GLIS3: variants seen among roughly 807,000 people sequenced by gnomAD.
GLIS3 encodes zinc finger protein GLIS3.
In GLIS3, 53 loss-of-function variants were observed where a neutral mutation model predicts 78.6. The ratio of observed to expected loss-of-function variants is 0.67; its 90% confidence interval spans 0.54 to 0.85. The LOEUF (loss-of-function observed/expected upper bound fraction) is 0.85. Among genes scored for constraint, GLIS3 ranks in the 40% least tolerant of loss-of-function variants. The pLI is 0.00. For synonymous variants in GLIS3, 684 were observed against 509.9 expected, an observed-to-expected ratio of 1.34 and a Z score of -4.60; for missense variants, 1,703 against 1,231.1, an observed-to-expected ratio of 1.38 and a Z score of -5.74.
At chr9:3,956,476 A>C (rs1415733384) in intron 4 of GLIS3, among the ~76,000 whole-genome samples, 1 of 152,194 alleles carries the variant, frequency 6.6e-6, no homozygotes, top group Admixed American at 6.5e-5. Flanking sequence ...CTTCAAGCAG[A>C]ATATTTTTGG....
chr9:4,271,568 C>A (rs4237149), intron 2 of GLIS3, among the ~76,000 whole-genome samples: 152,009 of 152,314 alleles, frequency 1, 75,853 homozygotes, highest in East Asian at 1. Flanking sequence ...GCAGCATAAG[C>A]AAGTGGCATA....
chr9:4,417,504 G>T, the GLIS3 span, among the ~76,000 whole-genome samples: 1,510 of 152,200 alleles, frequency 9.9e-3, 28 homozygotes, highest in African/African-American at 0.035. Flanking sequence ...TACCAACACT[G>T]ACATAACCAT....
chr9:3,847,273 AG>A (rs1468010771), intron 9 of GLIS3, among the ~76,000 whole-genome samples: 1 of 152,208 alleles, frequency 6.6e-6, no homozygotes, highest in African/African-American at 2.4e-5. Context: ...CAGAGAAAAG[AG>A]GGGCCCAGAT....
intron 4 of GLIS3, among the ~76,000 whole-genome samples, chr9:4,110,539 T>A (rs1048528288): frequency 6.6e-6 from 1 of 152,200 alleles, no homozygotes; most frequent in Non-Finnish European, 1.5e-5. Context: ...ACAGGTTTCA[T>A]TCCACTTTCT....
chr9:4,369,057 G>C, the GLIS3 span, among the ~76,000 whole-genome samples: 1 of 152,086 alleles, frequency 6.6e-6, no homozygotes, highest in Non-Finnish European at 1.5e-5. Flanking sequence ...AATAGACTCA[G>C]AATTTTAATC....
chr9:4,342,709 T>G (rs543375554), intron 2 of GLIS3, among the ~76,000 whole-genome samples: 2 of 152,250 alleles, frequency 1.3e-5, no homozygotes, highest in Non-Finnish European at 2.9e-5. Flanking sequence ...TTTAACAATA[T>G]TGATTCTTCC....
rs141615374 is a variant in GLIS3, at chr9:4,094,619, G to T, written c.1710+23149C>A. On this transcript the variant is annotated intron_variant, in intron 4 of 10. Transcript: ENST00000381971. ...AATGAAAGTCATAAAACCTGTAAGG[G>T]TATTTATGTGCACATATCAAAATCC... Among the ~76,000 whole-genome samples the T allele has an allele frequency of 2.6e-4, 39 of 152,230 alleles. No homozygotes were observed. The East Asian group carries it at 5.6e-3, about 22-fold the overall frequency.
chr9:4,195,758 G>A (rs1175720292), intron 2 of GLIS3, among the ~76,000 whole-genome samples: 1 of 152,260 alleles, frequency 6.6e-6, no homozygotes, highest in Admixed American at 6.5e-5. Context: ...GTGGGGTCTT[G>A]GAGAACTTTT....
the GLIS3 span, among the ~76,000 whole-genome samples, chr9:4,366,895 C>G: frequency 6.6e-6 from 1 of 152,212 alleles, no homozygotes; most frequent in Non-Finnish European, 1.5e-5. Context: ...AAATTACAGG[C>G]TCGTGGAAGA....
intron 2 of GLIS3, among the ~76,000 whole-genome samples, chr9:4,197,921 GGGGAAAGGGAAA>G (rs963672322): frequency 6.6e-6 from 1 of 150,644 alleles, no homozygotes; most frequent in Non-Finnish European, 1.5e-5. Flanking sequence ...TAGGAAGGGA[GGGGAAAGGGAAA>G]GGGAGAGGGA....
intron 2 of GLIS3, among the ~76,000 whole-genome samples, chr9:4,135,806 G>A (rs1833364558): frequency 1.3e-5 from 2 of 152,120 alleles, no homozygotes; most frequent in African/African-American, 2.4e-5. Flanking sequence ...AAAACAGATC[G>A]ATGAAGGTAA....
chr9:3,964,417 A>AC (rs200203650), intron 4 of GLIS3, among the ~76,000 whole-genome samples: 3,464 of 152,160 alleles, frequency 0.023, 61 homozygotes, highest in Middle Eastern at 0.041. Context: ...TCAAGACGTT[A>AC]CCCCCCCAAA....
intron 4 of GLIS3, among the ~76,000 whole-genome samples, chr9:4,035,559 G>C (rs1189155379): frequency 6.6e-6 from 1 of 151,888 alleles, no homozygotes; most frequent in African/African-American, 2.4e-5. Flanking sequence ...GCCTAGTTGA[G>C]GCTCTAGTCA....
chr9:4,386,717 A>G, the GLIS3 span, among the ~76,000 whole-genome samples: 1 of 152,176 alleles, frequency 6.6e-6, no homozygotes, highest in East Asian at 1.9e-4. Flanking sequence ...AATGGAAAGG[A>G]TGACATAAAG....
At chr9:4,275,874 C>T (rs189811018) in intron 2 of GLIS3, among the ~76,000 whole-genome samples, 1 of 152,288 alleles carries the variant, frequency 6.6e-6, no homozygotes, top group Admixed American at 6.5e-5. Flanking sequence ...GCCGATTACC[C>T]CATCTCATAG....
intron 4 of GLIS3, among the ~76,000 whole-genome samples, chr9:4,053,705 T>TTA (rs1554682400): frequency 1.1e-5 from 1 of 91,128 alleles, no homozygotes; most frequent in Non-Finnish European, 2.3e-5. Context: ...TCTTTCTTCA[T>TTA]AAAAAAAAAA....
chr9:4,081,446 A>T (rs1460518678), intron 4 of GLIS3: 1 of 152,140 alleles, frequency 6.6e-6, no homozygotes, highest in Non-Finnish European at 1.5e-5. Context: ...GAGGAGAGCC[A>T]CTTACCCGCT....
chr9:4,385,774 A>G, the GLIS3 span, among the ~76,000 whole-genome samples: 263 of 74,562 alleles, frequency 3.5e-3, 46 homozygotes, highest in African/African-American at 0.017. Context: ...AGAAAGAAAG[A>G]AAGAAAGAAA....
At chr9:4,354,093 C>T in the GLIS3 span, among the ~76,000 whole-genome samples, 6 of 151,892 alleles carry the variant, frequency 4.0e-5, no homozygotes, top group African/African-American at 1.5e-4. Context: ...GCCTCAGCCT[C>T]CCAAAGCGCT....
Sources: gnomAD v4.1 joint callset for allele counts (sites outside exome capture counted in the v4.1 genomes callset) on GRCh38, gnomAD v4.1.1 for gene constraint, MANE v1.5 for transcripts, NCBI Gene and HGNC (gene_info 2026-07-23, HGNC 2026-07-21) for gene names.